LATS1: variants seen among roughly 807,000 people sequenced by gnomAD.
LATS1 encodes the protein serine/threonine-protein kinase LATS1.
In LATS1, 25 loss-of-function variants were observed where a neutral mutation model predicts 106.6. The ratio of observed to expected loss-of-function variants is 0.23; its 90% confidence interval spans 0.17 to 0.33. The LOEUF is 0.33. LATS1 is among the 10% of genes least tolerant of loss of function. LATS1 has a pLI of 1.00. For synonymous variants in LATS1, 465 were observed against 455.6 expected (o/e 1.02, Z -0.26); for missense variants, 1,040 against 1,382.6 (o/e 0.75, Z 3.93).
chr6:149,698,485 A>G lies in LATS1; in HGVS notation c.349-3264T>C, dbSNP rs181527722. On this transcript the variant is annotated intron_variant, in intron 2 of 7. Coordinates refer to ENST00000543571, the MANE Select transcript of LATS1 (RefSeq NM_004690.4). ...GGACTTGAACTCCTGGCCTCAAGCA[A>G]TCCTCCTGCTTTGGCATCCCAGAGC... Among the ~76,000 whole-genome samples, 5 of 151,748 alleles carry G rather than the reference A, an allele frequency of 3.3e-5. No homozygotes were observed. In the East Asian group the frequency reaches 9.7e-4, roughly 29 times the overall value.
chr6:149,702,115 A>G lies in LATS1; in HGVS notation c.12T>C (p.Ser4=). The G allele has an allele frequency of 6.2e-7, 1 of 1,603,108 alleles. No individual in the cohort carries two copies. Among genetic ancestry groups the G allele is most frequent in the South Asian group, 1.1e-5 (1 of 89,866 alleles). Residue 4 remains serine, a synonymous_variant, in exon 2 of 8, where the codon AGT becomes AGC. Transcript: ENST00000543571. ...TTTGTCTATATCCTTCTGGCTTTTC[A>G]CTCCTCTTCATGAAAACATCTATAT... MKR[S]EKPEGYRQMR... is the part of the protein sequence containing the mutation.
In LATS1 at chr6:149,680,444, T is replaced by C. The variant is rs987263665; in HGVS notation, c.2024A>G (p.Gln675Arg). The C allele has an allele frequency of 1.9e-6, 3 of 1,605,766 alleles. No homozygotes were observed. Among genetic ancestry groups the C allele is most frequent in the Non-Finnish European group, 2.6e-6 (3 of 1,175,696 alleles). ...ENEMMRVGLS[Q>R]DAQDQMRKML... Reference sequence around the variant, plus strand: ...CTTTCTCATTTGATCCTGGGCATCTTGAGATAATCCAACCTAGGCAAATAA... The same window carrying C: ...CTTTCTCATTTGATCCTGGGCATCTCGAGATAATCCAACCTAGGCAAATAA... The change falls in exon 5 of 8, where the codon CAA (glutamine) becomes CGA (arginine). Residue 675 changes from glutamine (Q) to arginine (R), a missense_variant. Transcript: ENST00000543571.
At position 149,683,071 on chromosome 6, in the gene LATS1, G is replaced by T. The variant is rs747603035; in HGVS notation, c.2010+8C>A. On this transcript the variant is annotated splice_region_variant and intron_variant, in intron 4 of 7. Coordinates refer to ENST00000543571, the MANE Select transcript of LATS1 (RefSeq NM_004690.4). ...AAGTATAAAAATGGACATTTTAAAAGGTTTTACCCGCATCATTTCATTCTC... is the reference window on the plus strand; with the variant it reads ...AAGTATAAAAATGGACATTTTAAAATGTTTTACCCGCATCATTTCATTCTC... The T allele has an allele frequency of 1.4e-5, 23 of 1,598,446 alleles. No individual in the cohort carries two copies. In the East Asian group the frequency reaches 4.7e-4, roughly 33 times the overall value.
At chr6:149,706,195 A>G in intron 1 of LATS1, among the ~76,000 whole-genome samples, 1 of 85,482 alleles carries the variant, frequency 1.2e-5, no homozygotes, top group Non-Finnish European at 2.2e-5. Flanking sequence ...AAAAAAAAAA[A>G]AAAAAAAAAA....
At chr6:149,701,418 A>T (rs1238641026) in intron 2 of LATS1, among the ~76,000 whole-genome samples, 1 of 152,156 alleles carries the variant, frequency 6.6e-6, no homozygotes, top group Non-Finnish European at 1.5e-5. Flanking sequence ...CCTTGGAACT[A>T]TCATTTCCCC....
At chr6:149,708,246 C>G (rs1198717584) in intron 1 of LATS1, among the ~76,000 whole-genome samples, 1 of 152,000 alleles carries the variant, frequency 6.6e-6, no homozygotes, top group Non-Finnish European at 1.5e-5. Context: ...GAAACCCCGT[C>G]TCTACTAAAA....
rs117916003 is a variant in LATS1, at chr6:149,690,206, T to C, written c.496+4868A>G. 8.6e-3 allele frequency among the ~76,000 whole-genome samples: 1,186 copies of C among 138,404 alleles called. 7 individuals are homozygous for C. Among genetic ancestry groups the C allele is most frequent in the Non-Finnish European group, 0.012 (779 of 66,030 alleles). 90.8% of individuals were successfully genotyped at this position (138,404 alleles called of 152,430 possible). On this transcript the variant is annotated intron_variant, in intron 3 of 7. Coordinates refer to ENST00000543571, the MANE Select transcript of LATS1 (RefSeq NM_004690.4). Reference sequence around the variant, plus strand: ...ACATATACATATATGTATTCTTTTCTTTTTTTCTTTTTTTTTTTTTTTTTG... The same window carrying C: ...ACATATACATATATGTATTCTTTTCCTTTTTTCTTTTTTTTTTTTTTTTTG...
intron 7 of LATS1, among the ~76,000 whole-genome samples, chr6:149,674,299 T>C (rs1781595936): frequency 6.6e-6 from 1 of 151,844 alleles, no homozygotes; most frequent in South Asian, 2.1e-4. Context: ...GGTCTCAAAC[T>C]CCTGACCTCA....
chr6:149,687,003 C>A lies in LATS1; in HGVS notation c.497-2411G>T, dbSNP rs1352014250. ...ACTTTAAGGTTTATACGCTTATACT[C>A]CCAGACCACAACTACTTCTTCTGTT... On this transcript the variant is annotated intron_variant, in intron 3 of 7. Coordinates refer to ENST00000543571, the MANE Select transcript of LATS1 (RefSeq NM_004690.4). Among the ~76,000 whole-genome samples the A allele has an allele frequency of 2.0e-5, 3 of 152,194 alleles. No individual in the cohort carries two copies. The East Asian group carries it at 5.8e-4, about 29-fold the overall frequency.
intron 1 of LATS1, among the ~76,000 whole-genome samples, chr6:149,709,964 G>A (rs929090226): frequency 1.3e-5 from 2 of 151,600 alleles, no homozygotes; most frequent in African/African-American, 4.8e-5. Flanking sequence ...GTGAGCCACT[G>A]TGCCTGCCCA....
chr6:149,704,229 C>G (rs58651413), intron 1 of LATS1, among the ~76,000 whole-genome samples: 8,058 of 152,176 alleles, frequency 0.053, 568 homozygotes, highest in African/African-American at 0.16. Flanking sequence ...TCTCGGACTC[C>G]CGACCTCAGG....
chr6:149,714,055 T>A (rs1020299573), intron 1 of LATS1, among the ~76,000 whole-genome samples: 1 of 151,808 alleles, frequency 6.6e-6, no homozygotes, highest in Non-Finnish European at 1.5e-5. Context: ...CACTGCAACC[T>A]CTGCTTTCCA....
intron 7 of LATS1, among the ~76,000 whole-genome samples, chr6:149,668,943 TGGGACTGTAG>T (rs1781304636): frequency 6.6e-6 from 1 of 151,812 alleles, no homozygotes; most frequent in Non-Finnish European, 1.5e-5. Context: ...CCCAAGTAGC[TGGGACTGTAG>T]GCATGTACTG....
At chr6:149,697,189 A>C in intron 2 of LATS1, 1 of 1,264,642 alleles carries the variant, frequency 7.9e-7, no homozygotes, top group Non-Finnish European at 1.1e-6. Context: ...TGATCCTCCT[A>C]TATGAAATGA....
chr6:149,674,521 A>G (rs1781606527), intron 7 of LATS1, among the ~76,000 whole-genome samples: 1 of 151,156 alleles, frequency 6.6e-6, no homozygotes, highest in Non-Finnish European at 1.5e-5. Flanking sequence ...ACAAATATGC[A>G]TTACCATGCC....
chr6:149,682,316 A>G (rs549611060), intron 4 of LATS1, among the ~76,000 whole-genome samples: 1 of 152,160 alleles, frequency 6.6e-6, no homozygotes, highest in Non-Finnish European at 1.5e-5. Context: ...ACACTTTTTA[A>G]TAAGATATAT....
Position 149,677,897 on chromosome 6 carries a change from G to A in LATS1, c.2594-1160C>T, listed in dbSNP as rs575066437. Among the ~76,000 whole-genome samples the A allele has an allele frequency of 2.0e-5, 3 of 151,890 alleles. No individual in the cohort carries two copies. In the South Asian group the frequency reaches 6.2e-4, roughly 32 times the overall value. On this transcript the variant is annotated intron_variant, in intron 5 of 7. Coordinates refer to ENST00000543571, the MANE Select transcript of LATS1 (RefSeq NM_004690.4). The stretch of plus-strand genomic sequence containing the variant: ...TAGCTGGGTGTGGTGGAGCACACTT[G>A]TAATTCCAGCTACTTGGGAGGCTGA...
rs1174392417 is a variant in LATS1 at position 149,717,900 on chromosome 6, C to G, written c.-192G>C. 2.7e-6 allele frequency: 1 copy of G among 371,568 alleles called. No individual in the cohort carries two copies. The highest frequency in any genetic ancestry group is 3.8e-5 in the Admixed American group (1 of 26,374). 23.0% of individuals were successfully genotyped at this position (371,568 alleles called of 1,614,324 possible). A position where few individuals can be genotyped will look rare whatever the true frequency, so the allele number is the denominator to read the frequency against. On this transcript the variant is annotated 5_prime_UTR_variant, in exon 1 of 8. Coordinates refer to ENST00000543571, the MANE Select transcript of LATS1 (RefSeq NM_004690.4). ...CAGCGGCCACGGGCCTGAGGGCGGA[C>G]GCTGAGGCGGCCAGAGTCCGTCCCA... is the stretch of plus-strand genomic sequence containing the variant.
At chr6:149,674,323 C>A (rs1482994008) in intron 7 of LATS1, among the ~76,000 whole-genome samples, 1 of 151,866 alleles carries the variant, frequency 6.6e-6, no homozygotes, top group African/African-American at 2.4e-5. Context: ...GATCCACCTG[C>A]CTTGGCCTCC....
Sources: allele counts gnomAD v4.1 joint callset (sites outside exome capture counted in the v4.1 genomes callset), GRCh38; gene constraint gnomAD v4.1.1; transcripts MANE v1.5; gene names NCBI Gene and HGNC (gene_info 2026-07-23, HGNC 2026-07-21).